IP6K1: variants seen among roughly 807,000 people sequenced by gnomAD.
The protein encoded by IP6K1 is inositol hexakisphosphate kinase 1, also known as ATP:1D-myo-inositol-hexakisphosphate phosphotransferase.
Under a neutral mutation model 38.3 loss-of-function variants are expected in IP6K1, and 13 were observed. The ratio of observed to expected loss-of-function variants is 0.34; its 90% CI spans 0.22 to 0.54. The LOEUF (loss-of-function observed/expected upper bound fraction) is 0.54. Among genes scored for constraint, IP6K1 ranks in the 20% least tolerant of loss-of-function variants. The pLI is 0.92. For missense variants in IP6K1, 397 were observed against 599.8 expected, an observed-to-expected ratio of 0.66 and a Z score of 3.53; for synonymous variants, 212 against 229.9, an observed-to-expected ratio of 0.92 and a Z score of 0.70.
At chr3:49,778,933 T>C (rs1179007657) in intron 1 of IP6K1, among the ~76,000 whole-genome samples, 1 of 152,184 alleles carries the variant, frequency 6.6e-6, no homozygotes, top group African/African-American at 2.4e-5. Context: ...CCAATACGTT[T>C]TTAATTAACA....
chr3:49,774,127 C>A lies in IP6K1; in HGVS notation c.-129+12227G>T, dbSNP rs374324466. On this transcript the variant is annotated intron_variant, in intron 1 of 5. Coordinates refer to ENST00000321599, the MANE Select transcript of IP6K1 (RefSeq NM_153273.4). ...GACCATTAAATTTAAATTTGCAGGC[C>A]GGGCACAGTGGCTCATGCCTGTAAT... Among the ~76,000 whole-genome samples the A allele has an allele frequency of 1.1e-4, 17 of 151,966 alleles. No homozygotes were observed. In the East Asian group the frequency reaches 2.3e-3, roughly 21 times the overall value.
chr3:49,756,686 G>A (rs796611678), intron 1 of IP6K1, among the ~76,000 whole-genome samples: 2 of 151,890 alleles, frequency 1.3e-5, no homozygotes, highest in Non-Finnish European at 2.9e-5. Flanking sequence ...CATGGTGGTG[G>A]GTGCCTATAA....
At chr3:49,766,369 A>T (rs1490385306) in intron 1 of IP6K1, among the ~76,000 whole-genome samples, 1 of 149,380 alleles carries the variant, frequency 6.7e-6, no homozygotes, top group Non-Finnish European at 1.5e-5. Flanking sequence ...AACTCTGTCT[A>T]AAAAAAAAGA....
In IP6K1 at chr3:49,776,091, T is replaced by C. The variant is rs72936099; in HGVS notation, c.-129+10263A>G. Among the ~76,000 whole-genome samples the C allele has an allele frequency of 4.0e-3, 612 of 152,012 alleles. 6 individuals are homozygous for C. Among genetic ancestry groups the C allele is most frequent in the African/African-American group, 0.014 (581 of 41,466 alleles). ...ATGTAGCCATTTACTCTTTTAACAC[T>C]TGCGCTATTGTCATGTTATTTTCCT... On this transcript the variant is annotated intron_variant, in intron 1 of 5. Coordinates refer to ENST00000321599, the MANE Select transcript of IP6K1 (RefSeq NM_153273.4).
intron 3 of IP6K1, among the ~76,000 whole-genome samples, chr3:49,737,876 A>G (rs1320860412): frequency 2.0e-5 from 3 of 152,200 alleles, no homozygotes; most frequent in Admixed American, 2.0e-4. Flanking sequence ...AAGCATTTGG[A>G]GCCTCGCTAC....
At chr3:49,762,874 TG>T (rs1287683774) in intron 1 of IP6K1, among the ~76,000 whole-genome samples, 1 of 151,682 alleles carries the variant, frequency 6.6e-6, no homozygotes, top group African/African-American at 2.4e-5. Context: ...CAGGTTCAAG[TG>T]ATTCTCCTGC....
rs754445993 is a variant in IP6K1, at chr3:49,747,953, T to A, written c.88A>T (p.Ile30Phe). The change falls in exon 2 of 6, where the codon ATC becomes TTC. Residue 30 changes from isoleucine to phenylalanine, a missense_variant. Ile to Phe is a conservative substitution (Grantham distance 21). Around this residue, in one of 3 missense-constraint regions of IP6K1, gnomAD observed 171 missense variants for 237.0 expected, o/e 0.72. Transcript: ENST00000321599. ...CTGCTGTGTCCGCCTACTTGGTGGATGAAGGGCTCCAGGAGGACTCCCCGG... is the reference window on the plus strand; with the variant it reads ...CTGCTGTGTCCGCCTACTTGGTGGAAGAAGGGCTCCAGGAGGACTCCCCGG... ...GDRGVLLEPF[I>F]HQVGGHSSMM... The A allele has an allele frequency of 1.2e-6, 2 of 1,614,126 alleles. No individual in the cohort carries two copies. The highest frequency in any genetic ancestry group is 1.7e-6 in the Non-Finnish European group (2 of 1,180,010).
At chr3:49,744,580 C>T (rs1284505247) in intron 2 of IP6K1, among the ~76,000 whole-genome samples, 7 of 151,858 alleles carry the variant, frequency 4.6e-5, no homozygotes, top group African/African-American at 1.5e-4. Context: ...GATTTTTGAC[C>T]ACTTCTTTAC....
chr3:49,756,544 G>A (rs942147830), intron 1 of IP6K1, among the ~76,000 whole-genome samples: 4 of 152,106 alleles, frequency 2.6e-5, no homozygotes, highest in Admixed American at 6.6e-5. Context: ...AGGGCCGGGC[G>A]CAGTGGCTCA....
Position 49,724,422 on chromosome 3 carries a change from AACGCAACTGCGGCGGGAGC to A in IP6K1, c.*2681_*2699del. 1 of 152,406 alleles carries A rather than the reference AACGCAACTGCGGCGGGAGC, an allele frequency of 6.6e-6. No individual in the cohort carries two copies. Among genetic ancestry groups the A allele is most frequent in the East Asian group, 1.9e-4 (1 of 5,182 alleles). 9.4% of individuals were successfully genotyped at this position (152,406 alleles called of 1,614,324 possible). On this transcript the variant is annotated 3_prime_UTR_variant, in exon 6 of 6. Coordinates refer to ENST00000321599, the MANE Select transcript of IP6K1 (RefSeq NM_153273.4). ...TCCCCCGCACGCAAGGTCCAAAGCA[AACGCAACTGCGGCGGGAGC>A]CACCGGCGCAGGCCTCGGGCGGTGG... is the stretch of plus-strand genomic sequence containing the variant.
chr3:49,742,481 A>C (rs2080678253), intron 2 of IP6K1, among the ~76,000 whole-genome samples: 1 of 151,570 alleles, frequency 6.6e-6, no homozygotes, highest in African/African-American at 2.4e-5. Context: ...CCCGGGAGGC[A>C]GAGCTTGCAG....
At chr3:49,729,683 C>G (rs145421527) in intron 4 of IP6K1, among the ~76,000 whole-genome samples, 68 of 151,948 alleles carry the variant, frequency 4.5e-4, no homozygotes, top group Middle Eastern at 3.4e-3. Context: ...GCTGGGATTA[C>G]AGGCGAGAGT....
At chr3:49,782,617 C>T (rs1209029647) in intron 1 of IP6K1, among the ~76,000 whole-genome samples, 4 of 151,968 alleles carry the variant, frequency 2.6e-5, no homozygotes, top group Non-Finnish European at 5.9e-5. Context: ...GCCTGAGCAA[C>T]ATAGTGAGAC....
At chr3:49,761,656 A>G (rs554407468) in intron 1 of IP6K1, among the ~76,000 whole-genome samples, 1 of 151,786 alleles carries the variant, frequency 6.6e-6, no homozygotes, top group South Asian at 2.1e-4. Flanking sequence ...GGTTCTCATT[A>G]ACAACTTAGA....
intron 2 of IP6K1, among the ~76,000 whole-genome samples, chr3:49,742,331 C>T (rs13086130): frequency 0.26 from 39,917 of 151,980 alleles, 5,530 homozygotes; most frequent in Non-Finnish European, 0.31. Context: ...GGGCGGATCA[C>T]GAGGTCAGGA....
chr3:49,729,614 C>T (rs1324556574), intron 4 of IP6K1, among the ~76,000 whole-genome samples: 3 of 151,976 alleles, frequency 2.0e-5, no homozygotes, highest in Admixed American at 6.6e-5. Context: ...CCATGTTGGT[C>T]AGGTTGGTCT....
chr3:49,734,744 G>T (rs191132326), intron 3 of IP6K1, among the ~76,000 whole-genome samples: 2 of 152,322 alleles, frequency 1.3e-5, no homozygotes, highest in Admixed American at 1.3e-4. Context: ...TTAGGAAACA[G>T]AAAGGTTGAC....
intron 1 of IP6K1, among the ~76,000 whole-genome samples, chr3:49,750,207 G>A (rs1173397502): frequency 6.6e-6 from 1 of 152,176 alleles, no homozygotes; most frequent in Non-Finnish European, 1.5e-5. Flanking sequence ...ATCCTGTTCA[G>A]TACTGTAGAT....
At chr3:49,741,008 T>A (rs1168219278) in intron 2 of IP6K1, among the ~76,000 whole-genome samples, 1 of 152,036 alleles carries the variant, frequency 6.6e-6, no homozygotes, top group African/African-American at 2.4e-5. Flanking sequence ...GCCACCACGC[T>A]CGGCTACTTT....
Sources: allele counts gnomAD v4.1 joint callset (sites outside exome capture counted in the v4.1 genomes callset), GRCh38; gene constraint gnomAD v4.1.1; regional missense constraint gnomAD v4.1.1; transcripts MANE v1.5; gene names NCBI Gene and HGNC (gene_info 2026-07-23, HGNC 2026-07-21).